EXOC4: variants seen among roughly 807,000 people sequenced by gnomAD.
EXOC4 encodes SEC8-like 1.
In EXOC4, 71 loss-of-function variants were observed where a neutral mutation model predicts 107.2. The observed-to-expected ratio is 0.66, with a 90% CI of 0.55 to 0.81. The LOEUF is 0.81. EXOC4 is among the 30% of genes least tolerant of loss of function. The probability of loss-of-function intolerance (pLI) is 0.00; values close to 1 mark genes in which losing one functional copy is unlikely to be tolerated. For missense variants in EXOC4, 1,108 were observed against 1,189.6 expected, an observed-to-expected ratio of 0.93 and a Z score of 1.01; for synonymous variants, 456 against 441.2, an observed-to-expected ratio of 1.03 and a Z score of -0.42.
Position 133,769,329 on chromosome 7 carries a change from A to G in EXOC4, c.1515-47996A>G, listed in dbSNP as rs1466332338. Among the ~76,000 whole-genome samples the G allele has an allele frequency of 3.9e-5, 6 of 152,004 alleles. No homozygotes were observed. In the East Asian group the frequency reaches 1.2e-3, roughly 29 times the overall value. ...TGGGCTTTCATTGCCAAAGAAGGCA[A>G]ATGTTGGTGTTTCATAGCAGCTGAA... On this transcript the variant is annotated intron_variant, in intron 10 of 17. Transcript: ENST00000253861.
chr7:133,577,097 A>G (rs992600637), intron 9 of EXOC4, among the ~76,000 whole-genome samples: 1 of 152,180 alleles, frequency 6.6e-6, no homozygotes, highest in Non-Finnish European at 1.5e-5. Flanking sequence ...GATAGACGCA[A>G]TCTAAGAGTG....
chr7:133,954,484 A>G (rs553665305), intron 14 of EXOC4, among the ~76,000 whole-genome samples: 2 of 152,052 alleles, frequency 1.3e-5, no homozygotes, highest in Non-Finnish European at 2.9e-5. Context: ...TTTTAAACTT[A>G]TATAATGTAT....
rs1471634406 is a variant in EXOC4, at chr7:133,937,907, G to A, written c.2044G>A (p.Glu682Lys). 3 of 1,614,048 alleles carry A rather than the reference G, an allele frequency of 1.9e-6. No individual in the cohort carries two copies. Among genetic ancestry groups the A allele is most frequent in the Non-Finnish European group, 2.5e-6 (3 of 1,180,032 alleles). ...GCTTTTCAGGGCAGCTTTTGGCAAG[G>A]AGTCTGAAGTTCTTATTGGGAACCT... ...EDFIRAAFGKESEVLIGNLGD... is the reference protein window; with the variant it reads ...EDFIRAAFGKKSEVLIGNLGD... Residue 682 changes from glutamate to lysine, a missense_variant, in exon 14 of 18, where the codon GAG (glutamate) becomes AAG (lysine). Glu to Lys is a moderately conservative substitution (Grantham distance 56, BLOSUM62 1). Transcript: ENST00000253861.
intron 10 of EXOC4, among the ~76,000 whole-genome samples, chr7:133,717,281 T>G (rs1795017258): frequency 6.6e-6 from 1 of 152,244 alleles, no homozygotes; most frequent in Non-Finnish European, 1.5e-5. Flanking sequence ...CTTTATAATT[T>G]TATCAATGAT....
chr7:133,254,544 C>G (rs927220037), intron 1 of EXOC4, among the ~76,000 whole-genome samples: 1 of 152,176 alleles, frequency 6.6e-6, no homozygotes, highest in African/African-American at 2.4e-5. Flanking sequence ...GTTTTTTCTA[C>G]CTTATAGTCA....
chr7:133,565,033 G>C (rs1800879668), intron 9 of EXOC4, among the ~76,000 whole-genome samples: 1 of 152,164 alleles, frequency 6.6e-6, no homozygotes, highest in South Asian at 2.1e-4. Context: ...TAGTGGTGTT[G>C]GGATGTCGAG....
intron 7 of EXOC4, among the ~76,000 whole-genome samples, chr7:133,458,057 G>A (rs1199913982): frequency 2.0e-5 from 3 of 152,146 alleles, no homozygotes; most frequent in Non-Finnish European, 4.4e-5. Flanking sequence ...CTTAATAAAT[G>A]TATACCTAAA....
At chr7:133,982,819 C>A (rs1794022107) in intron 14 of EXOC4, among the ~76,000 whole-genome samples, 1 of 152,116 alleles carries the variant, frequency 6.6e-6, no homozygotes. Context: ...CAGTCCGCCT[C>A]CAAAGGACCA....
chr7:133,379,600 C>T (rs770062859), intron 7 of EXOC4, among the ~76,000 whole-genome samples: 1 of 151,750 alleles, frequency 6.6e-6, no homozygotes, highest in Non-Finnish European at 1.5e-5. Context: ...ATGTTATGGA[C>T]TATGTAATTT....
chr7:133,687,745 A>C, intron 10 of EXOC4, among the ~76,000 whole-genome samples: 1 of 152,244 alleles, frequency 6.6e-6, no homozygotes, highest in East Asian at 1.9e-4. Context: ...TTTCTGTAAC[A>C]TTAATACAAG....
At chr7:134,016,387 T>C (rs149921024) in intron 17 of EXOC4, among the ~76,000 whole-genome samples, 217 of 152,146 alleles carry the variant, frequency 1.4e-3, no homozygotes, top group African/African-American at 4.7e-3. Flanking sequence ...CTGAAGAAGA[T>C]AGGGAAGGAA....
At chr7:133,409,967 T>C (rs1468182778) in intron 7 of EXOC4, among the ~76,000 whole-genome samples, 1 of 152,206 alleles carries the variant, frequency 6.6e-6, no homozygotes, top group Admixed American at 6.5e-5. Context: ...TAAGAGAATA[T>C]TCAGAATTAT....
chr7:133,624,616 A>G (rs1802410959), intron 9 of EXOC4, among the ~76,000 whole-genome samples: 1 of 151,946 alleles, frequency 6.6e-6, no homozygotes, highest in South Asian at 2.1e-4. Context: ...TTTTTGAGGC[A>G]GAGTCTCGCT....
chr7:133,514,921 T>G lies in EXOC4; in HGVS notation c.1417+34783T>G, dbSNP rs142910109. 1.5e-3 allele frequency among the ~76,000 whole-genome samples: 230 copies of G among 152,292 alleles called. 1 individual carries two copies. The highest frequency in any genetic ancestry group is 5.3e-3 in the African/African-American group (219 of 41,566). On this transcript the variant is annotated intron_variant, in intron 9 of 17. Coordinates refer to ENST00000253861, the MANE Select transcript of EXOC4 (RefSeq NM_021807.4). ...TATAAGGGCATTTTAATCTGATGCA[T>G]TAGACTAAGGATAGTCTGAACTTTT...
At chr7:133,432,695 A>T (rs1434140879) in intron 7 of EXOC4, among the ~76,000 whole-genome samples, 3 of 152,220 alleles carry the variant, frequency 2.0e-5, no homozygotes, top group Non-Finnish European at 4.4e-5. Context: ...CTGTTTGTCA[A>T]GTGCTTTCCA....
In EXOC4 at chr7:133,289,029, G is replaced by A; in HGVS notation, c.384G>A (p.Leu128=). 1 of 1,614,178 alleles carries A rather than the reference G, an allele frequency of 6.2e-7. No homozygotes were observed. The highest frequency in any genetic ancestry group is 8.5e-7 in the Non-Finnish European group (1 of 1,179,998). ...AGCATAAGCATGTCCTGAACTTGTT[G>A]GATGAAATTGAGAATATCAAGCAAG... ...GIEHKHVLNL[L]DEIENIKQVP... Residue 128 remains leucine, a synonymous_variant, in exon 3 of 18, where the codon TTG becomes TTA. Transcript: ENST00000253861.
chr7:133,699,914 G>A (rs1018711877), intron 10 of EXOC4, among the ~76,000 whole-genome samples: 2 of 152,196 alleles, frequency 1.3e-5, no homozygotes, highest in Non-Finnish European at 2.9e-5. Context: ...TGTGACATAT[G>A]TTATGATTCT....
At chr7:133,661,624 G>A (rs952483947) in intron 10 of EXOC4, among the ~76,000 whole-genome samples, 4 of 134,130 alleles carry the variant, frequency 3.0e-5, no homozygotes, top group South Asian at 4.6e-4. Flanking sequence ...GAGGAGCTTC[G>A]TCCTTCTGCC....
chr7:133,973,238 A>G (rs1314512733), intron 14 of EXOC4, among the ~76,000 whole-genome samples: 1 of 152,208 alleles, frequency 6.6e-6, no homozygotes, highest in Non-Finnish European at 1.5e-5. Flanking sequence ...GACCATGGAA[A>G]AAGCACAACA....
Sources: allele counts gnomAD v4.1 joint callset (sites outside exome capture counted in the v4.1 genomes callset), GRCh38; gene constraint gnomAD v4.1.1; transcripts MANE v1.5; gene names NCBI Gene and HGNC (gene_info 2026-07-23, HGNC 2026-07-21).